ME1: variants seen among roughly 807,000 people sequenced by gnomAD.
ME1 encodes NADP-dependent malic enzyme.
In ME1, 74 loss-of-function variants were observed where a neutral mutation model predicts 66.4. The observed-to-expected ratio is 1.11, with a 90% CI of 0.92 to 1.35. The LOEUF (loss-of-function observed/expected upper bound fraction) is 1.35. Ranked by LOEUF, ME1 falls within the 40% of genes most tolerant of loss-of-function variation. ME1 has a pLI of 0.00. For missense variants in ME1, 750 were observed against 694.1 expected (o/e 1.08, Z -0.90); for synonymous variants, 251 against 235.6 (o/e 1.07, Z -0.60).
chr6:83,389,553 A>G (rs1417295658), intron 3 of ME1, among the ~76,000 whole-genome samples: 2 of 152,190 alleles, frequency 1.3e-5, no homozygotes, highest in Non-Finnish European at 2.9e-5. Context: ...AATACATGGT[A>G]TAATAATATG....
At chr6:83,319,095 C>T (rs1200956651) in intron 5 of ME1, among the ~76,000 whole-genome samples, 1 of 149,278 alleles carries the variant, frequency 6.7e-6, no homozygotes, top group African/African-American at 2.5e-5. Context: ...TAGGTGGGAA[C>T]TGAACAATGA....
At chr6:83,272,224 G>T (rs577779474) in intron 6 of ME1, among the ~76,000 whole-genome samples, 1 of 151,896 alleles carries the variant, frequency 6.6e-6, no homozygotes, top group South Asian at 2.1e-4. Flanking sequence ...TCCTTAACAG[G>T]GCTACCAAAT....
chr6:83,408,038 G>T, intron 1 of ME1, 137 bp from the exon 2 acceptor site: 2 of 947,240 alleles, frequency 2.1e-6, no homozygotes, highest in Non-Finnish European at 3.0e-6. Flanking sequence ...CCATGTGGCT[G>T]TGAGTAAACC....
At chr6:83,373,508 G>A (rs930581983) in intron 3 of ME1, among the ~76,000 whole-genome samples, 7 of 152,198 alleles carry the variant, frequency 4.6e-5, no homozygotes, top group African/African-American at 1.7e-4. Context: ...GTGAGCCACC[G>A]CACCCAGCCA....
chr6:83,423,945 CAA>C (rs1202714737), intron 1 of ME1, among the ~76,000 whole-genome samples: 1 of 151,592 alleles, frequency 6.6e-6, no homozygotes, highest in Admixed American at 6.6e-5. Context: ...GCCATCTCTA[CAA>C]AAAAATACAA....
intron 3 of ME1, among the ~76,000 whole-genome samples, chr6:83,397,043 T>C (rs1384381444): frequency 1.3e-5 from 2 of 151,850 alleles, no homozygotes; most frequent in Admixed American, 6.6e-5. Context: ...TACAAGAAAA[T>C]TTAGGGGAAA....
chr6:83,343,596 T>C (rs1768630417), intron 5 of ME1, among the ~76,000 whole-genome samples: 1 of 152,148 alleles, frequency 6.6e-6, no homozygotes, highest in South Asian at 2.1e-4. Context: ...AATTTTGAAA[T>C]GTAGTATGAA....
At chr6:83,365,048 T>C (rs891229235) in intron 3 of ME1, among the ~76,000 whole-genome samples, 1 of 152,164 alleles carries the variant, frequency 6.6e-6, no homozygotes, top group Non-Finnish European at 1.5e-5. Flanking sequence ...GATTCTCCTC[T>C]CACCTCACTT....
At chr6:83,302,278 A>T (rs906425988) in intron 6 of ME1, among the ~76,000 whole-genome samples, 3 of 152,128 alleles carry the variant, frequency 2.0e-5, no homozygotes, top group African/African-American at 7.2e-5. Flanking sequence ...AAAGAAGGGA[A>T]CAACAGACAC....
At chr6:83,298,911 T>TTCCATTAG (rs1767654011) in intron 6 of ME1, among the ~76,000 whole-genome samples, 3 of 146,008 alleles carry the variant, frequency 2.1e-5, no homozygotes, top group Non-Finnish European at 4.5e-5. Context: ...CTCTATGCTG[T>TTCCATTAG]TCCATTAGTC....
chr6:83,292,339 C>T (rs1020597298), intron 6 of ME1, among the ~76,000 whole-genome samples: 4 of 152,134 alleles, frequency 2.6e-5, no homozygotes, highest in African/African-American at 7.2e-5. Context: ...GATGCTATTC[C>T]TTTCTGTTTG....
chr6:83,287,110 G>A (rs925793830), intron 6 of ME1, among the ~76,000 whole-genome samples: 5 of 151,974 alleles, frequency 3.3e-5, no homozygotes, highest in East Asian at 1.9e-4. Flanking sequence ...TACTAAAAAC[G>A]TTTTTATTAT....
chr6:83,388,715 A>G (rs1769561781), intron 3 of ME1, among the ~76,000 whole-genome samples: 1 of 152,208 alleles, frequency 6.6e-6, no homozygotes, highest in Non-Finnish European at 1.5e-5. Context: ...TGGTGAACCA[A>G]AAGTACTATC....
intron 10 of ME1, among the ~76,000 whole-genome samples, chr6:83,228,073 A>G (rs908636644): frequency 6.6e-6 from 1 of 152,216 alleles, no homozygotes; most frequent in Non-Finnish European, 1.5e-5. Context: ...ATTATTTTCA[A>G]CGTTGTCATC....
intron 3 of ME1, among the ~76,000 whole-genome samples, chr6:83,375,911 T>A (rs1769279076): frequency 6.6e-6 from 1 of 152,194 alleles, no homozygotes; most frequent in African/African-American, 2.4e-5. Context: ...GAATTGTGTA[T>A]GTTATTTCTA....
At chr6:83,430,003 G>A (rs753387232) in intron 1 of ME1, among the ~76,000 whole-genome samples, 3 of 152,230 alleles carry the variant, frequency 2.0e-5, no homozygotes, top group Non-Finnish European at 4.4e-5. Context: ...GATAAATTCG[G>A]AGGTATTTTT....
intron 3 of ME1, among the ~76,000 whole-genome samples, chr6:83,383,072 T>G (rs1300739844): frequency 6.6e-6 from 1 of 151,844 alleles, no homozygotes; most frequent in African/African-American, 2.4e-5. Flanking sequence ...AACTGCAGAT[T>G]TTAGACTTGC....
chr6:83,385,457 T>C (rs1032895253), intron 3 of ME1, among the ~76,000 whole-genome samples: 1 of 151,922 alleles, frequency 6.6e-6, no homozygotes, highest in East Asian at 1.9e-4. Context: ...ACACAGATTG[T>C]ACAAAAGTTA....
chr6:83,357,925 CTCTCTCTCTCTATATA>C (rs1768924183), intron 3 of ME1, among the ~76,000 whole-genome samples: 4 of 58,178 alleles, frequency 6.9e-5, no homozygotes, highest in South Asian at 7.4e-4. Context: ...CTCTCTCTCT[CTCTCTCTCTCTATATA>C]TATATATATA....
Sources: gnomAD v4.1 joint callset for allele counts (sites outside exome capture counted in the v4.1 genomes callset) on GRCh38, gnomAD v4.1.1 for gene constraint, MANE v1.5 for transcripts, NCBI Gene and HGNC (gene_info 2026-07-23, HGNC 2026-07-21) for gene names.